The following SEMA6D variants were observed in gnomAD, a reference collection of about 807,000 sequenced individuals.
SEMA6D encodes semaphorin 6D.
In SEMA6D, 35 loss-of-function variants were observed where a neutral mutation model predicts 106.6. The ratio of observed to expected loss-of-function variants is 0.33; its 90% confidence interval spans 0.25 to 0.44. SEMA6D has a LOEUF of 0.44. Ranked by LOEUF, SEMA6D falls within the 20% of genes least tolerant of loss-of-function variation. SEMA6D has a pLI of 1.00. For synonymous variants in SEMA6D, 499 were observed against 487.7 expected (o/e 1.02, Z -0.31); for missense variants, 1,185 against 1,345.9 (o/e 0.88, Z 1.87).
intron 4 of SEMA6D, among the ~76,000 whole-genome samples, chr15:47,604,663 T>C (rs1048400021): frequency 6.6e-6 from 1 of 152,202 alleles, no homozygotes; most frequent in East Asian, 1.9e-4. Flanking sequence ...TTTAAAACTC[T>C]AGGATCCATC....
upstream of SEMA6D, chr15:47,717,030 A>C (rs1408368508): frequency 6.6e-6 from 1 of 152,192 alleles, no homozygotes; most frequent in Non-Finnish European, 1.5e-5. Context: ...CTGCGCCCGC[A>C]GCTCTCCTGG....
At chr15:47,572,278 T>C (rs1375320858) in intron 3 of SEMA6D, among the ~76,000 whole-genome samples, 1 of 152,252 alleles carries the variant, frequency 6.6e-6, no homozygotes, top group Non-Finnish European at 1.5e-5. Context: ...TATTTTCAAT[T>C]TTTGAAAGAC....
At chr15:47,532,935 T>C (rs1427301384) in intron 3 of SEMA6D, among the ~76,000 whole-genome samples, 1 of 151,656 alleles carries the variant, frequency 6.6e-6, no homozygotes, top group African/African-American at 2.4e-5. Flanking sequence ...CAATTTAAGC[T>C]TTAAATAAAA....
intron 1 of SEMA6D, among the ~76,000 whole-genome samples, chr15:47,343,217 T>C (rs1437442862): frequency 1.3e-5 from 2 of 149,748 alleles, no homozygotes; most frequent in East Asian, 3.9e-4. Flanking sequence ...TACACAATTC[T>C]TTTTTAAAAA....
chr15:47,405,391 A>T (rs1022282388), intron 1 of SEMA6D, among the ~76,000 whole-genome samples: 2 of 152,090 alleles, frequency 1.3e-5, no homozygotes, highest in African/African-American at 4.8e-5. Flanking sequence ...CTCAGGACCT[A>T]GTCTGAGTCC....
At chr15:47,346,629 A>G (rs1034203466) in intron 1 of SEMA6D, among the ~76,000 whole-genome samples, 13 of 152,202 alleles carry the variant, frequency 8.5e-5, no homozygotes, top group South Asian at 6.2e-4. Context: ...GTGAAATTCT[A>G]TGGTGACATA....
intron 1 of SEMA6D, among the ~76,000 whole-genome samples, chr15:47,267,704 T>C (rs931582274): frequency 1.3e-5 from 2 of 152,172 alleles, no homozygotes; most frequent in African/African-American, 4.8e-5. Flanking sequence ...GCATTCTCCC[T>C]TTTCATCTTT....
chr15:47,227,490 CTTTCT>C (rs1377375184), intron 1 of SEMA6D, among the ~76,000 whole-genome samples: 12 of 125,798 alleles, frequency 9.5e-5, no homozygotes, highest in East Asian at 2.2e-4. Context: ...CTTTTTCTTT[CTTTCT>C]TTTTTTCTTT....
chr15:47,349,915 C>A (rs1003656694), intron 1 of SEMA6D, among the ~76,000 whole-genome samples: 1 of 152,152 alleles, frequency 6.6e-6, no homozygotes, highest in Non-Finnish European at 1.5e-5. Flanking sequence ...TGTACAACAA[C>A]AACAGCAACA....
intron 1 of SEMA6D, among the ~76,000 whole-genome samples, chr15:47,231,108 T>C (rs2032162731): frequency 6.6e-6 from 1 of 151,930 alleles, no homozygotes; most frequent in Admixed American, 6.6e-5. Context: ...CCTCCTCCTC[T>C]TTGCCTTCCT....
At chr15:47,744,019 C>G (rs1409023481) in intron 1 of SEMA6D, among the ~76,000 whole-genome samples, 1 of 152,128 alleles carries the variant, frequency 6.6e-6, no homozygotes, top group Non-Finnish European at 1.5e-5. Flanking sequence ...TTCTTTAACT[C>G]CTTGTCTGAA....
At chr15:47,478,277 G>A (rs1016424402) in intron 3 of SEMA6D, among the ~76,000 whole-genome samples, 1 of 152,126 alleles carries the variant, frequency 6.6e-6, no homozygotes, top group East Asian at 1.9e-4. Flanking sequence ...GCATGTGAAA[G>A]CCTTGGAAGA....
chr15:47,267,127 A>C (rs546070059), intron 1 of SEMA6D, among the ~76,000 whole-genome samples: 3 of 152,236 alleles, frequency 2.0e-5, no homozygotes, highest in African/African-American at 7.2e-5. Context: ...GTTTCTTTCA[A>C]GAAGAATTCT....
At chr15:47,396,787 A>G (rs2040226289) in intron 1 of SEMA6D, 1 of 152,140 alleles carries the variant, frequency 6.6e-6, no homozygotes, top group Admixed American at 6.5e-5. Context: ...CAGTCCAATC[A>G]AGTTGATACT....
intron 4 of SEMA6D, among the ~76,000 whole-genome samples, chr15:47,692,764 A>G (rs568471825): frequency 3.9e-5 from 6 of 152,132 alleles, no homozygotes; most frequent in African/African-American, 1.4e-4. Context: ...TCTCTTTTCT[A>G]GTTGTGTAGC....
intron 4 of SEMA6D, among the ~76,000 whole-genome samples, chr15:47,624,217 G>A (rs961276852): frequency 6.6e-5 from 10 of 152,284 alleles, no homozygotes; most frequent in East Asian, 3.9e-4. Flanking sequence ...TAGACACTGC[G>A]TGTTCTTGGA....
At chr15:47,269,984 A>G (rs533186854) in intron 1 of SEMA6D, among the ~76,000 whole-genome samples, 12 of 151,908 alleles carry the variant, frequency 7.9e-5, no homozygotes, top group African/African-American at 2.9e-4. Context: ...TAACATCATA[A>G]TAATACTGAG....
In SEMA6D at chr15:47,763,084, G is replaced by T; in HGVS notation, c.727G>T (p.Glu243Ter). The change falls in exon 9 of 19, where the codon GAA becomes TAA. Residue 243 changes from glutamate to a stop codon, truncating the protein, a stop_gained. Transcript: ENST00000536845. LOFTEE classifies it high-confidence loss of function. ...TTTCTTCTTTCGAGAAATCGCTGTC[G>T]AACATAATAATTTAGGCAAGGCAAG... ...VYFFFREIAV[E>*]HNNLGKAVYS... The T allele has an allele frequency of 6.2e-7, 1 of 1,612,076 alleles. No homozygotes were observed. Among genetic ancestry groups the T allele is most frequent in the South Asian group, 1.1e-5 (1 of 90,856 alleles).
At chr15:47,572,736 C>T (rs1024387250) in intron 3 of SEMA6D, among the ~76,000 whole-genome samples, 3 of 152,084 alleles carry the variant, frequency 2.0e-5, no homozygotes, top group Non-Finnish European at 2.9e-5. Context: ...TACTGCTTTT[C>T]CAGGAAATCT....
Sources: allele counts gnomAD v4.1 joint callset (sites outside exome capture counted in the v4.1 genomes callset), GRCh38; gene constraint gnomAD v4.1.1; transcripts MANE v1.5; gene names NCBI Gene and HGNC (gene_info 2026-07-23, HGNC 2026-07-21).